Variants in TET2 observed in about 807,000 individuals in gnomAD.
TET2 encodes the protein tet methylcytosine dioxygenase 2.
In TET2, 299 loss-of-function variants were observed where a neutral mutation model predicts 142.9. That is an observed-to-expected ratio of 2.09 (90% CI 1.90 to 2.30). The LOEUF (loss-of-function observed/expected upper bound fraction) is 2.30. Among genes scored for constraint, TET2 ranks in the 30% most tolerant of loss-of-function variants. The pLI, the probability that TET2 is intolerant of heterozygous loss-of-function variation, is 0.00. For synonymous variants in TET2, 819 were observed against 849.0 expected (o/e 0.96, Z 0.61); for missense variants, 2,418 against 2,378.0 (o/e 1.02, Z -0.35).
chr4:105,209,048 G>GATATATATATAT, intron 2 of TET2, among the ~76,000 whole-genome samples: 1 of 23,748 alleles, frequency 4.2e-5, no homozygotes, highest in East Asian at 1.3e-3. Flanking sequence ...CTCAAGGCAT[G>GATATATATATAT]GTATATATAT....
chr4:105,176,396 G>C (rs1215256238), intron 1 of TET2, among the ~76,000 whole-genome samples: 13 of 151,942 alleles, frequency 8.6e-5, no homozygotes, highest in Admixed American at 8.5e-4. Context: ...ATATCCAAAG[G>C]ATCAGAAAAA....
Position 105,275,517 on chromosome 4 carries a change from GCTCAGTCTACCACCCATCCATACA to G in TET2, c.5010_5033del (p.Ser1671_Leu1678del). On this transcript the variant is annotated inframe_deletion, in exon 11 of 11. Coordinates refer to ENST00000380013, the MANE Select transcript of TET2 (RefSeq NM_001127208.3). ...ATCCAAGCCAAGACCCTCTGTCTAA[GCTCAGTCTACCACCCATCCATACA>G]CTTTACCAGCCAAGGTTTGGAAATA... 1 of 1,551,654 alleles carries G rather than the reference GCTCAGTCTACCACCCATCCATACA, an allele frequency of 6.4e-7. No homozygotes were observed. The highest frequency in any genetic ancestry group is 8.7e-7 in the Non-Finnish European group (1 of 1,146,980).
At chr4:105,266,731 AATG>A (rs1272588739) in intron 8 of TET2, among the ~76,000 whole-genome samples, 1 of 152,076 alleles carries the variant, frequency 6.6e-6, no homozygotes, top group Non-Finnish European at 1.5e-5. Context: ...AACTGAAAAA[AATG>A]AATATATAAA....
chr4:105,196,534 G>A (rs1298412215), intron 2 of TET2, among the ~76,000 whole-genome samples: 1 of 152,062 alleles, frequency 6.6e-6, no homozygotes, highest in South Asian at 2.1e-4. Context: ...CTGGCTCCTG[G>A]TTACTCTTCA....
chr4:105,166,433 G>T, intron 1 of TET2, among the ~76,000 whole-genome samples: 1 of 151,100 alleles, frequency 6.6e-6, no homozygotes, highest in Non-Finnish European at 1.5e-5. Flanking sequence ...TTTTTTTTCA[G>T]ATTTCTTAAT....
chr4:105,163,840 AGAGAGAGAGAGAGAGT>A (rs1404256003), intron 1 of TET2, among the ~76,000 whole-genome samples: 88 of 117,428 alleles, frequency 7.5e-4, no homozygotes, highest in African/African-American at 1.9e-3. Flanking sequence ...AGAGAGAGAG[AGAGAGAGAGAGAGAGT>A]GTGTGTGTGT....
Position 105,237,194 on chromosome 4 carries a change from A to G in TET2, c.3252A>G (p.Gln1084=), listed in dbSNP as rs1728999076. Residue 1084 remains glutamine (Q), a synonymous_variant, in exon 3 of 11, where the codon CAA becomes CAG. Transcript: ENST00000380013. ...LDSHTPALEQ[Q]TTSSEKTPTK... ...GCCACACCCCAGCTTTAGAGCAGCA[A>G]ACAACTTCTTCAGAAAAGACACCAA... The G allele has an allele frequency of 1.2e-6, 2 of 1,614,136 alleles. No homozygotes were observed. The highest frequency in any genetic ancestry group is 1.3e-5 in the African/African-American group (1 of 75,056).
rs2110306756 is a variant in TET2 at position 105,272,761 on chromosome 4, A to C, written c.4380A>C (p.Pro1460=). 4 of 1,551,712 alleles carry C rather than the reference A, an allele frequency of 2.6e-6. No individual in the cohort carries two copies. Among genetic ancestry groups the C allele is most frequent in the Non-Finnish European group, 3.5e-6 (4 of 1,146,974 alleles). ...GAAAAGTCAGGATGTTAGCAGAGCC[A>C]GTCAAGACTTGCCGACAAAGGAAAC... ...FRRKVRMLAE[P]VKTCRQRKLE... is the part of the protein sequence containing the mutation. The change falls in exon 10 of 11, where the codon CCA becomes CCC. Residue 1460 remains proline (P), a synonymous_variant. Transcript: ENST00000380013.
At position 105,272,916 on chromosome 4, in the gene TET2, C is replaced by T. The variant is rs1731037022; in HGVS notation, c.4535C>T (p.Ala1512Val). The stretch of plus-strand genomic sequence containing the variant: ...AACGCAAGCCAGGCTAAACAGTTGG[C>T]AGGTAAATTTAATGTAAAGCATTTG... ...TENASQAKQL[A>V]ELLRLSGPVM... The change falls in exon 10 of 11, where the codon GCA becomes GTA. Residue 1512 changes from alanine to valine, a missense_variant and splice_region_variant. Ala to Val is a moderately conservative substitution (Grantham distance 64). Coordinates refer to ENST00000380013, the MANE Select transcript of TET2 (RefSeq NM_001127208.3). 1.3e-6 allele frequency: 2 copies of T among 1,520,466 alleles called. No individual in the cohort carries two copies. Among genetic ancestry groups the T allele is most frequent in the Non-Finnish European group, 1.8e-6 (2 of 1,133,954 alleles). 94.2% of individuals were successfully genotyped at this position (1,520,466 alleles called of 1,614,324 possible). A position where few individuals can be genotyped will look rare whatever the true frequency, so the allele number is the denominator to read the frequency against.
In TET2 at chr4:105,276,622, A is replaced by C; in HGVS notation, c.*103A>C. On this transcript the variant is annotated 3_prime_UTR_variant, in exon 11 of 11. Transcript: ENST00000380013. ...GCAGTGGGGAAAGGTCACAGTATTC[A>C]TGACAAATGTGGTGGGAAAAACCTC... 7.6e-7 allele frequency: 1 copy of C among 1,315,684 alleles called. No homozygotes were observed. Among genetic ancestry groups the C allele is most frequent in the South Asian group, 1.6e-5 (1 of 62,978 alleles). The allele number at this position is 1,315,684 out of a possible 1,614,324, so 81.5% of individuals were successfully genotyped here.
chr4:105,151,217 A>G (rs533069273), intron 1 of TET2, among the ~76,000 whole-genome samples: 1 of 152,246 alleles, frequency 6.6e-6, no homozygotes, highest in South Asian at 2.1e-4. Flanking sequence ...GCTACTCAGG[A>G]GACTGAGATA....
At chr4:105,176,587 G>A (rs563313696) in intron 1 of TET2, among the ~76,000 whole-genome samples, 1 of 152,234 alleles carries the variant, frequency 6.6e-6, no homozygotes, top group African/African-American at 2.4e-5. Context: ...AACAGAATAT[G>A]TACATGATCT....
At chr4:105,189,377 C>T (rs376796046) in intron 1 of TET2, among the ~76,000 whole-genome samples, 1 of 152,148 alleles carries the variant, frequency 6.6e-6, no homozygotes, top group East Asian at 1.9e-4. Context: ...TCCATATATT[C>T]AGGACAATGG....
intron 8 of TET2, among the ~76,000 whole-genome samples, chr4:105,268,762 G>A (rs950120416): frequency 6.6e-6 from 1 of 152,122 alleles, no homozygotes; most frequent in African/African-American, 2.4e-5. Flanking sequence ...CTTGAGGCCA[G>A]GAGTTTTGAG....
chr4:105,182,367 G>A (rs1335358308), intron 1 of TET2, among the ~76,000 whole-genome samples: 2 of 152,178 alleles, frequency 1.3e-5, no homozygotes, highest in Admixed American at 1.3e-4. Flanking sequence ...TAAATGGCAT[G>A]TAGGTTCCTC....
At chr4:105,165,967 A>C (rs1269929014) in intron 1 of TET2, among the ~76,000 whole-genome samples, 1 of 152,110 alleles carries the variant, frequency 6.6e-6, no homozygotes, top group South Asian at 2.1e-4. Context: ...AATTCCAGCT[A>C]CTTTTCTTTT....
chr4:105,243,612 G>A lies in TET2; in HGVS notation c.3637G>A (p.Val1213Met), dbSNP rs1729423237. The A allele has an allele frequency of 6.4e-7, 1 of 1,551,630 alleles. No homozygotes were observed. Among genetic ancestry groups the A allele is most frequent in the Non-Finnish European group, 8.7e-7 (1 of 1,146,954 alleles). The change falls in exon 6 of 11, where the codon GTG becomes ATG. Residue 1213 changes from valine (V) to methionine (M), a missense_variant. Transcript: ENST00000380013. ...SSSEEKLLCL[V>M]RERAGHTCEA... ...CAGTGAAGAGAAGCTACTGTGTTTG[G>A]TGCGGGAGCGAGCTGGCCACACCTG...
chr4:105,250,847 T>C (rs988516807), intron 6 of TET2, among the ~76,000 whole-genome samples: 7 of 151,888 alleles, frequency 4.6e-5, no homozygotes, highest in African/African-American at 1.7e-4. Context: ...GCCTGGCTAA[T>C]TGTTTTGTGT....
chr4:105,251,439 G>A (rs749082319), intron 6 of TET2, among the ~76,000 whole-genome samples: 7 of 152,160 alleles, frequency 4.6e-5, no homozygotes, highest in Non-Finnish European at 8.8e-5. Context: ...ATTTTATCAC[G>A]AAAGGGTGTT....
Sources: gnomAD v4.1 joint callset for allele counts (sites outside exome capture counted in the v4.1 genomes callset) on GRCh38, gnomAD v4.1.1 for gene constraint, MANE v1.5 for transcripts, NCBI Gene and HGNC (gene_info 2026-07-23, HGNC 2026-07-21) for gene names.